The following ANO3 variants were observed in gnomAD, a reference collection of about 807,000 sequenced individuals.
The protein encoded by ANO3 is anoctamin 3.
A neutral mutation model predicts 144.8 loss-of-function variants in ANO3; 99 were observed. That is an observed-to-expected ratio of 0.68 (90% CI 0.58 to 0.81). The LOEUF (loss-of-function observed/expected upper bound fraction) is 0.81. ANO3 is among the 30% of genes least tolerant of loss of function. The probability of loss-of-function intolerance (pLI) is 0.00; values close to 1 mark genes in which losing one functional copy is unlikely to be tolerated. For synonymous variants in ANO3, 414 were observed against 392.6 expected (o/e 1.05, Z -0.64); for missense variants, 905 against 1,202.2 (o/e 0.75, Z 3.66).
At chr11:26,365,954 TTATATATATATATA>T (rs1158168765) in intron 1 of ANO3, among the ~76,000 whole-genome samples, 3,484 of 54,094 alleles carry the variant, frequency 0.064, 56 homozygotes, top group Non-Finnish European at 0.071. Flanking sequence ...CATTTTTTCT[TTATATATATATATA>T]TATATATATA....
At chr11:26,609,980 C>A (rs1852048046) in intron 17 of ANO3, among the ~76,000 whole-genome samples, 1 of 152,224 alleles carries the variant, frequency 6.6e-6, no homozygotes, top group Non-Finnish European at 1.5e-5. Context: ...GGCGCGATCT[C>A]AGCTCACTGC....
At chr11:26,524,226 A>C (rs1464621412) in intron 6 of ANO3, among the ~76,000 whole-genome samples, 1 of 152,176 alleles carries the variant, frequency 6.6e-6, no homozygotes, top group Non-Finnish European at 1.5e-5. Context: ...GTACGCACAC[A>C]AGCTTTTGTG....
At chr11:26,216,504 T>A (rs1311678034) in intron 1 of ANO3, among the ~76,000 whole-genome samples, 1 of 152,028 alleles carries the variant, frequency 6.6e-6, no homozygotes, top group East Asian at 1.9e-4. Flanking sequence ...GTATCACCCT[T>A]CATTTATCCA....
chr11:26,535,774 G>A (rs1395911895), intron 9 of ANO3, among the ~76,000 whole-genome samples: 1 of 151,020 alleles, frequency 6.6e-6, no homozygotes, highest in African/African-American at 2.4e-5. Context: ...TAGTAGACAC[G>A]GGGTTTCACT....
intron 4 of ANO3, among the ~76,000 whole-genome samples, chr11:26,464,782 T>C (rs1859537278): frequency 1.3e-5 from 2 of 151,892 alleles, no homozygotes; most frequent in Non-Finnish European, 2.9e-5. Context: ...TCTCCTATTA[T>C]ACTTCCACTC....
At chr11:26,203,757 C>A (rs940180112) in intron 1 of ANO3, among the ~76,000 whole-genome samples, 1 of 152,094 alleles carries the variant, frequency 6.6e-6, no homozygotes, top group East Asian at 1.9e-4. Flanking sequence ...TACTGTTTGT[C>A]ATGTGCCTTT....
intron 1 of ANO3, among the ~76,000 whole-genome samples, chr11:26,337,802 A>C (rs372617189): frequency 2.6e-5 from 4 of 151,906 alleles, no homozygotes; most frequent in African/African-American, 7.3e-5. Flanking sequence ...GGGTGTGGTG[A>C]CGGGCACCTG....
chr11:26,394,012 G>A (rs570549696), intron 1 of ANO3, among the ~76,000 whole-genome samples: 1 of 152,188 alleles, frequency 6.6e-6, no homozygotes, highest in East Asian at 1.9e-4. Context: ...CTAAATAATG[G>A]AATGTTTTAG....
chr11:26,264,339 AT>A (rs1203049392), intron 1 of ANO3, among the ~76,000 whole-genome samples: 1 of 152,216 alleles, frequency 6.6e-6, no homozygotes, highest in Non-Finnish European at 1.5e-5. Context: ...ATCAAACCAC[AT>A]ACTTAGGTAA....
At chr11:26,433,048 G>A (rs1158041977) in intron 1 of ANO3, among the ~76,000 whole-genome samples, 3 of 151,944 alleles carry the variant, frequency 2.0e-5, no homozygotes, top group Non-Finnish European at 4.4e-5. Flanking sequence ...GAATGTTCTT[G>A]CATTTGTTTG....
At chr11:26,232,667 A>G (rs1238299136) in intron 1 of ANO3, among the ~76,000 whole-genome samples, 2 of 152,134 alleles carry the variant, frequency 1.3e-5, no homozygotes, top group South Asian at 4.1e-4. Context: ...AAAACCCAAA[A>G]CCATAAAAAC....
At chr11:26,586,664 G>T (rs7945396) in intron 14 of ANO3, among the ~76,000 whole-genome samples, 19,979 of 149,696 alleles carry the variant, frequency 0.13, 1,689 homozygotes, top group African/African-American at 0.25. Flanking sequence ...CACCACACCC[G>T]GCTAACTTTT....
At chr11:26,656,241 C>G in intron 25 of ANO3, 36 bp downstream of exon 25, 1 of 1,569,090 alleles carries the variant, frequency 6.4e-7, no homozygotes, top group South Asian at 1.1e-5. Context: ...CTTGCTTTCA[C>G]CATTCCAAGT....
At chr11:26,318,347 G>A (rs1854677036) in intron 1 of ANO3, among the ~76,000 whole-genome samples, 3 of 152,112 alleles carry the variant, frequency 2.0e-5, no homozygotes, top group Admixed American at 2.0e-4. Context: ...ACATTCCATA[G>A]CAATTAACAG....
chr11:26,608,252 AC>A (rs1205619046), intron 17 of ANO3, among the ~76,000 whole-genome samples: 1 of 151,712 alleles, frequency 6.6e-6, no homozygotes, highest in East Asian at 1.9e-4. Context: ...CATTTGGTTC[AC>A]CCCCATGCCT....
intron 1 of ANO3, among the ~76,000 whole-genome samples, chr11:26,231,752 G>C (rs1852404519): frequency 1.3e-5 from 2 of 152,196 alleles, no homozygotes; most frequent in Admixed American, 1.3e-4. Flanking sequence ...TATTGAGCAA[G>C]GAATGCGTCT....
intron 1 of ANO3, among the ~76,000 whole-genome samples, chr11:26,300,957 G>A (rs1387811436): frequency 2.3e-5 from 3 of 132,422 alleles, no homozygotes; most frequent in African/African-American, 6.8e-5. Flanking sequence ...GGGCTCAAGC[G>A]ATTCTCCTGC....
At chr11:26,483,429 C>A (rs1399615267) in intron 4 of ANO3, among the ~76,000 whole-genome samples, 3 of 152,018 alleles carry the variant, frequency 2.0e-5, no homozygotes, top group African/African-American at 7.2e-5. Context: ...ATGGACTTTC[C>A]CCTTGCTGTT....
intron 1 of ANO3, among the ~76,000 whole-genome samples, chr11:26,253,149 C>T (rs1852973114): frequency 6.6e-6 from 1 of 152,264 alleles, no homozygotes; most frequent in African/African-American, 2.4e-5. Flanking sequence ...CTATGGTACA[C>T]AGCACTTCTC....
Sources: allele counts gnomAD v4.1 joint callset (sites outside exome capture counted in the v4.1 genomes callset), GRCh38; gene constraint gnomAD v4.1.1; transcripts MANE v1.5; gene names NCBI Gene and HGNC (gene_info 2026-07-23, HGNC 2026-07-21).